The following STAT1 variants were observed in gnomAD, a reference collection of about 807,000 sequenced individuals.
STAT1 encodes signal transducer and activator of transcription 1-alpha/beta.
A neutral mutation model predicts 111.7 loss-of-function variants in STAT1; 24 were observed. The ratio of observed to expected loss-of-function variants is 0.21; its 90% confidence interval spans 0.16 to 0.30. The LOEUF (loss-of-function observed/expected upper bound fraction) is 0.30, where lower values mean the gene tolerates loss of function less well. Ranked by LOEUF, STAT1 falls within the 10% of genes least tolerant of loss-of-function variation. The probability of loss-of-function intolerance (pLI) is 1.00; values close to 1 mark genes in which losing one functional copy is unlikely to be tolerated. For synonymous variants in STAT1, 332 were observed against 326.5 expected (o/e 1.02, Z -0.18); for missense variants, 351 against 911.9 (o/e 0.38, Z 7.92).
At position 190,993,807 on chromosome 2, in the gene STAT1, G is replaced by A. The variant is rs769243328; in HGVS notation, c.944+1254C>T. 2.0e-5 allele frequency among the ~76,000 whole-genome samples: 3 copies of A among 151,542 alleles called. No individual in the cohort carries two copies. The highest frequency in any genetic ancestry group is 4.4e-5 in the Non-Finnish European group (3 of 67,892). Reference sequence around the variant, plus strand: ...GTTTGCATTAAAAAAAAAAAAACTTGCAATATGAACCCTTCTTTTCCACTC... The same window carrying A: ...GTTTGCATTAAAAAAAAAAAAACTTACAATATGAACCCTTCTTTTCCACTC... On this transcript the variant is annotated intron_variant, in intron 10 of 24. Coordinates refer to ENST00000361099, the MANE Select transcript of STAT1 (RefSeq NM_007315.4). The surrounding 1 kb of genome is among the most constrained non-coding windows in gnomAD (Gnocchi z 4.1).
At chr2:191,005,467 T>C (rs1694616008) in intron 5 of STAT1, among the ~76,000 whole-genome samples, 2 of 152,248 alleles carry the variant, frequency 1.3e-5, no homozygotes, top group Admixed American at 6.5e-5. Flanking sequence ...ATCTGTACTG[T>C]ACCTTTTCTA....
rs777659197 is a variant in STAT1 at position 191,007,519 on chromosome 2, T to TTTTTA, written c.372+39_372+43dup. ...TAATAGTATTTGATGAATGAATACATTTTTATTTTATTACAGTTTATGTGT... is the reference window on the plus strand; with the variant it reads ...TAATAGTATTTGATGAATGAATACATTTTTATTTTATTTTATTACAGTTTATGTGT... On this transcript the variant is annotated intron_variant, in intron 5 of 24. Transcript: ENST00000361099. The surrounding 1 kb of genome is among the most constrained non-coding windows in gnomAD (Gnocchi z 4.2). 4 of 1,427,082 alleles carry TTTTTA rather than the reference T, an allele frequency of 2.8e-6. No homozygotes were observed. The highest frequency in any genetic ancestry group is 4.0e-6 in the Non-Finnish European group (4 of 1,011,916). The allele number at this position is 1,427,082 out of a possible 1,614,324, so 88.4% of individuals were successfully genotyped here.
In STAT1 at chr2:190,981,794, CTTTGA is replaced by C. The variant is rs1559008803; in HGVS notation, c.1582+584_1582+588del. 6.6e-6 allele frequency among the ~76,000 whole-genome samples: 1 copy of C among 152,238 alleles called. No individual in the cohort carries two copies. On this transcript the variant is annotated intron_variant, in intron 18 of 24. Coordinates refer to ENST00000361099, the MANE Select transcript of STAT1 (RefSeq NM_007315.4). This position sits in a 1 kb window ranked among gnomAD's most constrained non-coding sequence, Gnocchi z 4.1. ...AGATCTGACCTTGAGACTAGTGGAT[CTTTGA>C]TTTGTTTAGTATGAAGGACTAATAA...
Position 190,993,338 on chromosome 2 carries a change from A to T in STAT1, c.944+1723T>A, listed in dbSNP as rs879219976. The T allele has an allele frequency of 6.8e-6, 6 of 886,528 alleles. No individual in the cohort carries two copies. The South Asian group carries it at 8.4e-5, about 12-fold the overall frequency. The allele number at this position is 886,528 out of a possible 1,614,324, so 54.9% of individuals were successfully genotyped here. On this transcript the variant is annotated intron_variant, in intron 10 of 24. Transcript: ENST00000361099. The surrounding 1 kb of genome is among the most constrained non-coding windows in gnomAD (Gnocchi z 4.1). ...ATTGGCTCCTCTGTAATAACTGGAG[A>T]TGACTGTTCGAAACCTTTCCTGTTC...
In STAT1 at chr2:190,993,159, T is replaced by C; in HGVS notation, c.945-1839A>G. On this transcript the variant is annotated intron_variant, in intron 10 of 24. Coordinates refer to ENST00000361099, the MANE Select transcript of STAT1 (RefSeq NM_007315.4). This position sits in a 1 kb window ranked among gnomAD's most constrained non-coding sequence, Gnocchi z 4.1. ...GAATCAGCAAATTCCTTGGCTGTTG[T>C]GTAGTCTACTACTTTCTCTGTGGTC... is the stretch of plus-strand genomic sequence containing the variant. 2 of 472,872 alleles carry C rather than the reference T, an allele frequency of 4.2e-6. No individual in the cohort carries two copies. Among genetic ancestry groups the C allele is most frequent in the Non-Finnish European group, 8.0e-6 (2 of 251,430 alleles). The allele number at this position is 472,872 out of a possible 1,614,324, so 29.3% of individuals were successfully genotyped here.
At chr2:190,994,930 AT>A (rs371291505) in intron 10 of STAT1, 130 bp downstream of exon 10, 2,753 of 110,390 alleles carry the variant, frequency 0.025, 27 homozygotes, top group Middle Eastern at 0.045. Flanking sequence ...AAAAAAAAAT[AT>A]ATATATATAT....
chr2:190,977,621 G>A lies in STAT1; in HGVS notation c.1874-596C>T, dbSNP rs1043115884. The stretch of plus-strand genomic sequence containing the variant: ...CCTAGCTGATACAGAATCTCCCTTT[G>A]GGTGTCGACCTTCCAGAGGCCACGG... On this transcript the variant is annotated intron_variant, in intron 21 of 24. Transcript: ENST00000361099. The surrounding 1 kb of genome is among the most constrained non-coding windows in gnomAD (Gnocchi z 4.7). Among the ~76,000 whole-genome samples, 4 of 152,114 alleles carry A rather than the reference G, an allele frequency of 2.6e-5. No individual in the cohort carries two copies. The highest frequency in any genetic ancestry group is 1.3e-4 in the Admixed American group (2 of 15,272).
In STAT1 at chr2:191,002,012, G is replaced by A. The variant is rs540014911; in HGVS notation, c.373-849C>T. 1.9e-4 allele frequency among the ~76,000 whole-genome samples: 29 copies of A among 152,274 alleles called. No homozygotes were observed. In the South Asian group the frequency reaches 4.8e-3, roughly 25 times the overall value. On this transcript the variant is annotated intron_variant, in intron 5 of 24. Coordinates refer to ENST00000361099, the MANE Select transcript of STAT1 (RefSeq NM_007315.4). ...GTGCCCTATACAGCACAGATTCTAC[G>A]GGGGTGTTTTTATATGTGCAATTGT...
intron 10 of STAT1, 90 bp downstream of exon 10, chr2:190,994,971 T>C (rs1456465357): frequency 1.2e-5 from 10 of 837,572 alleles, no homozygotes. Flanking sequence ...AAACACCTAT[T>C]AAACCCTTGT....
rs1359750894 is a variant in STAT1 at position 190,971,269 on chromosome 2, T to C, written c.2239-552A>G. On this transcript the variant is annotated intron_variant, in intron 24 of 24. Transcript: ENST00000361099. This position sits in a 1 kb window ranked among gnomAD's most constrained non-coding sequence, Gnocchi z 4.1. ...AGTAAACTGTTCATCCAAAGGATAC[T>C]AGCCTGCCAGTGACTTCCTGTCTGA... Among the ~76,000 whole-genome samples, 1 of 152,226 alleles carries C rather than the reference T, an allele frequency of 6.6e-6. No homozygotes were observed. Among genetic ancestry groups the C allele is most frequent in the Non-Finnish European group, 1.5e-5 (1 of 68,028 alleles).
At chr2:190,985,015 T>C (rs1349611483) in intron 15 of STAT1, among the ~76,000 whole-genome samples, 2 of 152,238 alleles carry the variant, frequency 1.3e-5, no homozygotes, top group Admixed American at 6.5e-5. Flanking sequence ...CGCTGCTCCA[T>C]GTGACCTCCA....
chr2:191,004,181 TG>T lies in STAT1; in HGVS notation c.373-3019del, dbSNP rs1265142511. Among the ~76,000 whole-genome samples the T allele has an allele frequency of 6.6e-6, 1 of 152,214 alleles. No homozygotes were observed. Among genetic ancestry groups the T allele is most frequent in the Non-Finnish European group, 1.5e-5 (1 of 68,036 alleles). ...TGCCCCCATCTGCTAAGCAGATGCT[TG>T]GCTGCTCCTGTACACTTTAGTACTG... On this transcript the variant is annotated intron_variant, in intron 5 of 24. Transcript: ENST00000361099. The surrounding 1 kb of genome is among the most constrained non-coding windows in gnomAD (Gnocchi z 5.0).
chr2:190,987,167 T>C lies in STAT1; in HGVS notation c.1098-99A>G, dbSNP rs964320906. 2 of 924,002 alleles carry C rather than the reference T, an allele frequency of 2.2e-6. No individual in the cohort carries two copies. Among genetic ancestry groups the C allele is most frequent in the Admixed American group, 2.1e-5 (1 of 48,718 alleles). 57.2% of individuals were successfully genotyped at this position (924,002 alleles called of 1,614,324 possible). ...ATAAGAGCATAAGAGTGTAAGTGAA[T>C]GATGAATAAAAAATAAATCTACACC... On this transcript the variant is annotated intron_variant, in intron 12 of 24. Coordinates refer to ENST00000361099, the MANE Select transcript of STAT1 (RefSeq NM_007315.4). This position sits in a 1 kb window ranked among gnomAD's most constrained non-coding sequence, Gnocchi z 4.0.
Position 190,996,009 on chromosome 2 carries a change from C to G in STAT1, c.786-790G>C, listed in dbSNP as rs997581630. 6.6e-6 allele frequency among the ~76,000 whole-genome samples: 1 copy of G among 151,388 alleles called. No homozygotes were observed. Among genetic ancestry groups the G allele is most frequent in the Non-Finnish European group, 1.5e-5 (1 of 67,896 alleles). ...AGAGAGTGGCATCAGCAAGCAGTGT[C>G]TCGGCAGGACCAGTCAGAGATGTGG... On this transcript the variant is annotated intron_variant, in intron 9 of 24. Coordinates refer to ENST00000361099, the MANE Select transcript of STAT1 (RefSeq NM_007315.4). The surrounding 1 kb of genome is among the most constrained non-coding windows in gnomAD (Gnocchi z 4.5).
In STAT1 at chr2:190,993,805, T is replaced by G. The variant is rs1398810266; in HGVS notation, c.944+1256A>C. Among the ~76,000 whole-genome samples the G allele has an allele frequency of 2.0e-5, 3 of 151,600 alleles. No individual in the cohort carries two copies. The highest frequency in any genetic ancestry group is 4.9e-5 in the African/African-American group (2 of 41,150). ...AAGTTTGCATTAAAAAAAAAAAAACTTGCAATATGAACCCTTCTTTTCCAC... is the reference window on the plus strand; with the variant it reads ...AAGTTTGCATTAAAAAAAAAAAAACGTGCAATATGAACCCTTCTTTTCCAC... On this transcript the variant is annotated intron_variant, in intron 10 of 24. Transcript: ENST00000361099. This position sits in a 1 kb window ranked among gnomAD's most constrained non-coding sequence, Gnocchi z 4.1.
chr2:190,975,899 C>T lies in STAT1; in HGVS notation c.2060-12G>A. On this transcript the variant is annotated splice_polypyrimidine_tract_variant and intron_variant, in intron 22 of 24. Transcript: ENST00000361099. This position sits in a 1 kb window ranked among gnomAD's most constrained non-coding sequence, Gnocchi z 5.9. ...CATTGGCTCTGGTGCTAGAAATAAA[C>T]ACATTGTGTACGCTTTCCATCAACC... 1 of 1,606,918 alleles carries T rather than the reference C, an allele frequency of 6.2e-7. No individual in the cohort carries two copies. The highest frequency in any genetic ancestry group is 8.5e-7 in the Non-Finnish European group (1 of 1,173,410).
Position 190,986,421 on chromosome 2 carries a change from C to T in STAT1, c.1221+433G>A, listed in dbSNP as rs969771510. On this transcript the variant is annotated intron_variant, in intron 14 of 24. Coordinates refer to ENST00000361099, the MANE Select transcript of STAT1 (RefSeq NM_007315.4). The surrounding 1 kb of genome is among the most constrained non-coding windows in gnomAD (Gnocchi z 5.0). Reference sequence around the variant, plus strand: ...AGAAAAGGTGGTAGAGTCAGGCTGGCGTGGAGGCAGGGGCTGTGGGCAGGG... The same window carrying T: ...AGAAAAGGTGGTAGAGTCAGGCTGGTGTGGAGGCAGGGGCTGTGGGCAGGG... Among the ~76,000 whole-genome samples the T allele has an allele frequency of 1.3e-5, 2 of 152,020 alleles. No individual in the cohort carries two copies. The highest frequency in any genetic ancestry group is 2.9e-5 in the Non-Finnish European group (2 of 67,978).
intron 10 of STAT1, among the ~76,000 whole-genome samples, chr2:190,994,452 T>G (rs1693657257): frequency 6.6e-6 from 1 of 151,664 alleles, no homozygotes; most frequent in Admixed American, 6.6e-5. Flanking sequence ...AAGGAGGATT[T>G]GAGAGCCTGA....
intron 10 of STAT1, chr2:190,992,780 C>A: frequency 1.7e-6 from 1 of 572,398 alleles, no homozygotes; most frequent in South Asian, 3.5e-5. Context: ...GTTCTACATT[C>A]ATTGCATTCT....
Sources: gnomAD v4.1 joint callset for allele counts (sites outside exome capture counted in the v4.1 genomes callset) on GRCh38, gnomAD v4.1.1 for gene constraint, Gnocchi (gnomAD v3.1) non-coding constraint, MANE v1.5 for transcripts, NCBI Gene and HGNC (gene_info 2026-07-23, HGNC 2026-07-21) for gene names.